Variants in PDE11A observed in about 807,000 individuals in gnomAD.
PDE11A encodes the protein phosphodiesterase 11A.
Under a neutral mutation model 100.5 loss-of-function variants are expected in PDE11A, and 100 were observed. The observed-to-expected ratio is 1.00, with a 90% CI of 0.85 to 1.18. The LOEUF is 1.18. PDE11A is among the 50% of genes most tolerant of loss of function. The probability of loss-of-function intolerance (pLI) is 0.00; values close to 1 mark genes in which losing one functional copy is unlikely to be tolerated. For missense variants in PDE11A, 1,141 were observed against 1,152.6 expected (o/e 0.99, Z 0.15); for synonymous variants, 381 against 420.8 (o/e 0.91, Z 1.16).
At chr2:177,873,957 A>G (rs1034992698) in intron 5 of PDE11A, among the ~76,000 whole-genome samples, 1 of 152,120 alleles carries the variant, frequency 6.6e-6, no homozygotes, top group African/African-American at 2.4e-5. Flanking sequence ...GACCTTTAGG[A>G]CTTCACTTCT....
intron 6 of PDE11A, among the ~76,000 whole-genome samples, chr2:177,827,634 A>T (rs1275652640): frequency 1.3e-5 from 2 of 152,230 alleles, no homozygotes; most frequent in African/African-American, 4.8e-5. Context: ...GTTTTGCATT[A>T]GTGTATTTAT....
intron 1 of PDE11A, among the ~76,000 whole-genome samples, chr2:178,039,156 C>A (rs2086653598): frequency 6.6e-6 from 1 of 152,084 alleles, no homozygotes; most frequent in Non-Finnish European, 1.5e-5. Context: ...CCTAAACGCC[C>A]ATCAATGACA....
At chr2:177,888,009 T>C (rs1034120224) in intron 4 of PDE11A, among the ~76,000 whole-genome samples, 1 of 152,042 alleles carries the variant, frequency 6.6e-6, no homozygotes, top group Non-Finnish European at 1.5e-5. Flanking sequence ...CTTCTAGTCA[T>C]GTAAGTTAAT....
At chr2:177,644,800 T>C (rs1166167920) in intron 19 of PDE11A, among the ~76,000 whole-genome samples, 1 of 152,174 alleles carries the variant, frequency 6.6e-6, no homozygotes, top group Admixed American at 6.5e-5. Flanking sequence ...GTGATTGAAT[T>C]ATGTGGGCAG....
At chr2:177,727,923 AG>A (rs1399725745) in intron 11 of PDE11A, 102 bp downstream of exon 11, 2 of 1,083,718 alleles carry the variant, frequency 1.8e-6, no homozygotes, top group African/African-American at 3.1e-5. Context: ...TGTGCAGGGC[AG>A]GGATTATCAT....
chr2:178,093,335 T>A (rs2087446909), intron 2 of PDE11A, among the ~76,000 whole-genome samples: 1 of 151,418 alleles, frequency 6.6e-6, no homozygotes, highest in Non-Finnish European at 1.5e-5. Flanking sequence ...GATTAGTAAA[T>A]GATGGTCCAA....
chr2:177,700,233 A>T (rs2081176604), intron 14 of PDE11A, among the ~76,000 whole-genome samples: 1 of 152,132 alleles, frequency 6.6e-6, no homozygotes, highest in Non-Finnish European at 1.5e-5. Context: ...GGCCTCCATG[A>T]TATTGCAAAA....
intron 12 of PDE11A, among the ~76,000 whole-genome samples, chr2:177,721,885 T>C (rs1290030821): frequency 6.6e-6 from 1 of 152,120 alleles, no homozygotes; most frequent in Non-Finnish European, 1.5e-5. Context: ...CAGCCGAAAC[T>C]AAACTTGAGA....
intron 9 of PDE11A, among the ~76,000 whole-genome samples, chr2:177,773,945 C>T (rs2082346219): frequency 6.6e-6 from 1 of 152,160 alleles, no homozygotes; most frequent in Non-Finnish European, 1.5e-5. Flanking sequence ...TTAAATCTTG[C>T]TTAAGAACTC....
intron 8 of PDE11A, 129 bp downstream of exon 8, chr2:177,817,729 C>G: frequency 3.1e-6 from 2 of 643,828 alleles, no homozygotes. Context: ...CTTAAATCTT[C>G]CTGTTAATTT....
chr2:177,721,957 G>A (rs958519848), intron 12 of PDE11A, among the ~76,000 whole-genome samples: 3 of 152,106 alleles, frequency 2.0e-5, no homozygotes, highest in African/African-American at 7.2e-5. Context: ...CCAGGTTTCA[G>A]TCCCAAGAAA....
At chr2:177,800,829 A>G (rs1574156134) in intron 9 of PDE11A, among the ~76,000 whole-genome samples, 2 of 152,198 alleles carry the variant, frequency 1.3e-5, no homozygotes, top group African/African-American at 2.4e-5. Flanking sequence ...ATATTAGTAC[A>G]TAAGTTTGCT....
intron 2 of PDE11A, chr2:177,997,720 T>C (rs2086094535): frequency 6.5e-7 from 1 of 1,538,428 alleles, no homozygotes; most frequent in East Asian, 2.2e-5. Flanking sequence ...GCCCAACTGG[T>C]GAAAACTGTA....
At chr2:177,765,685 C>T (rs1160034736) in intron 10 of PDE11A, among the ~76,000 whole-genome samples, 2 of 152,198 alleles carry the variant, frequency 1.3e-5, no homozygotes, top group African/African-American at 4.8e-5. Context: ...TCTGTGTTTA[C>T]TCACGTTCTG....
intron 9 of PDE11A, among the ~76,000 whole-genome samples, chr2:177,771,480 A>C (rs1451767358): frequency 1.3e-5 from 2 of 152,122 alleles, no homozygotes; most frequent in Admixed American, 1.3e-4. Context: ...TCCACTTCCG[A>C]GCCCTGGGAG....
chr2:177,818,921 C>T (rs2083089030), intron 7 of PDE11A, among the ~76,000 whole-genome samples: 1 of 150,884 alleles, frequency 6.6e-6, no homozygotes, highest in African/African-American at 2.5e-5. Context: ...CCCAACTTCC[C>T]ACCAGGGAGG....
At chr2:178,081,856 G>T (rs907482555) in intron 2 of PDE11A, among the ~76,000 whole-genome samples, 1 of 152,170 alleles carries the variant, frequency 6.6e-6, no homozygotes. Context: ...CTCACAAAAG[G>T]ACACCAAGGT....
chr2:177,951,450 GTGT>G (rs759009494), intron 2 of PDE11A, among the ~76,000 whole-genome samples: 6 of 152,102 alleles, frequency 3.9e-5, no homozygotes, highest in Non-Finnish European at 1.5e-5. Flanking sequence ...TTTTTTTCAG[GTGT>G]TGTTATTGTC....
intron 2 of PDE11A, among the ~76,000 whole-genome samples, chr2:178,095,488 T>C (rs1056380195): frequency 2.0e-5 from 3 of 152,222 alleles, no homozygotes; most frequent in African/African-American, 7.2e-5. Context: ...TCCTGGCTGC[T>C]TTCACAGGCT....
Sources: gnomAD v4.1 joint callset for allele counts (sites outside exome capture counted in the v4.1 genomes callset) on GRCh38, gnomAD v4.1.1 for gene constraint, MANE v1.5 for transcripts, NCBI Gene and HGNC (gene_info 2026-07-23, HGNC 2026-07-21) for gene names.